The following S100A13 variants were observed in gnomAD, a reference collection of about 807,000 sequenced individuals.
S100A13 encodes protein S100-A13.
A neutral mutation model predicts 8.2 loss-of-function variants in S100A13; 6 were observed. The ratio of observed to expected loss-of-function variants is 0.73; its 90% CI spans 0.40 to 1.44. The LOEUF is 1.44. Ranked by LOEUF, S100A13 falls within the 40% of genes most tolerant of loss-of-function variation. The pLI, the probability that S100A13 is intolerant of heterozygous loss-of-function variation, is 0.02. For synonymous variants in S100A13, 39 were observed against 45.9 expected (o/e 0.85, Z 0.61); for missense variants, 114 against 113.6 (o/e 1.00, Z -0.02).
Position 153,619,039 on chromosome 1 carries a change from C to T in S100A13, c.154-1G>A. The T allele has an allele frequency of 1.2e-6, 2 of 1,613,298 alleles. No individual in the cohort carries two copies. Among genetic ancestry groups the T allele is most frequent in the Non-Finnish European group, 1.7e-6 (2 of 1,179,606 alleles). On this transcript the variant is annotated splice_acceptor_variant, in intron 2 of 2. Transcript: ENST00000476133. LOFTEE classifies it high-confidence loss of function. ...TCTTCTCATCAAGAGAGCCCACATC[C>T]TGAGGAGACACCAAAGGGAAGGGTA...
chr1:153,626,460 G>C lies in S100A13; in HGVS notation c.13C>G (p.Pro5Ala). 3 of 1,614,204 alleles carry C rather than the reference G, an allele frequency of 1.9e-6. No individual in the cohort carries two copies. The highest frequency in any genetic ancestry group is 2.5e-6 in the Non-Finnish European group (3 of 1,180,030). Reference sequence around the variant, plus strand: ...ATGGACTCCTCTAGCTCTGTCAGTGGTTCTGCTGCCATTAGGACCCTGAGG... The same window carrying C: ...ATGGACTCCTCTAGCTCTGTCAGTGCTTCTGCTGCCATTAGGACCCTGAGG... MAAEPLTELEESIET... is the reference protein window; with the variant it reads MAAEALTELEESIET... Residue 5 changes from proline to alanine, a missense_variant, in exon 2 of 3, where the codon CCA becomes GCA. Physicochemically the swap from Pro to Ala is conservative, Grantham distance 27 (BLOSUM62 -1). Transcript: ENST00000476133.
intron 2 of S100A13, among the ~76,000 whole-genome samples, chr1:153,621,681 CAA>C (rs538835772): frequency 7.0e-6 from 1 of 142,330 alleles, no homozygotes. Flanking sequence ...TGCTGCTGCT[CAA>C]AAAAAAAAAG....
At chr1:153,631,953 C>T, upstream of S100A13, 1 of 1,153,898 alleles carries the variant, frequency 8.7e-7, no homozygotes, top group South Asian at 1.6e-5. Flanking sequence ...CCCTTGCCCA[C>T]CCCACCCCCA....
At chr1:153,634,294 C>T (rs1471478548), upstream of S100A13, 1 of 152,922 alleles carries the variant, frequency 6.5e-6, no homozygotes, top group East Asian at 1.9e-4. Flanking sequence ...GCCCGCCTGC[C>T]GGAGCCGTGG....
upstream of S100A13, among the ~76,000 whole-genome samples, chr1:153,632,667 G>A (rs182479505): frequency 6.6e-5 from 10 of 152,092 alleles, no homozygotes; most frequent in African/African-American, 2.4e-4. Context: ...AAATAACCAC[G>A]ATCCTTACCC....
At chr1:153,625,366 A>C (rs1208963209) in intron 2 of S100A13, among the ~76,000 whole-genome samples, 2 of 152,208 alleles carry the variant, frequency 1.3e-5, no homozygotes, top group Non-Finnish European at 2.9e-5. Context: ...AAAGGATGTA[A>C]AACAAACTGT....
At chr1:153,628,508 G>A, upstream of S100A13, 1 of 1,550,648 alleles carries the variant, frequency 6.4e-7, no homozygotes, top group South Asian at 1.2e-5. Context: ...TGAGTACCCT[G>A]CCCCACTGGG....
Position 153,618,950 on chromosome 1 carries a change from C to T in S100A13, c.242G>A (p.Gly81Glu). The change falls in exon 3 of 3, where the codon GGG becomes GAG. Residue 81 changes from glycine (G) to glutamate (E), a missense_variant. By Grantham distance (98) the Gly-to-Glu change is moderately conservative (BLOSUM62 -2). Transcript: ENST00000476133. ...CTTCCTGATTTCCTTGGCCAGCTCC[C>T]CAATCAATCTCCAGTACTCATTGAA... ...LKFNEYWRLI[G>E]ELAKEIRKKK... The T allele has an allele frequency of 6.2e-7, 1 of 1,614,030 alleles. No individual in the cohort carries two copies. The highest frequency in any genetic ancestry group is 8.5e-7 in the Non-Finnish European group (1 of 1,179,950).
chr1:153,627,680 C>T (rs899332480), upstream of S100A13: 2 of 170,720 alleles, frequency 1.2e-5, no homozygotes, highest in Admixed American at 5.7e-5. Flanking sequence ...GCCACACGAG[C>T]GCCCCCACTT....
At chr1:153,628,536 A>G, upstream of S100A13, 1 of 1,549,096 alleles carries the variant, frequency 6.5e-7, no homozygotes, top group Non-Finnish European at 8.7e-7. Context: ...CTGGCCTGCC[A>G]GCTTCAGGGA....
upstream of S100A13, chr1:153,628,036 C>T (rs1489898617): frequency 1.3e-6 from 2 of 1,550,150 alleles, no homozygotes; most frequent in Non-Finnish European, 1.7e-6. Context: ...ACTCCCAAGA[C>T]TAAGTTTCTC....
chr1:153,627,717 G>A (rs1667753227), upstream of S100A13: 1 of 228,656 alleles, frequency 4.4e-6, no homozygotes. Flanking sequence ...TGCCTGGACA[G>A]ATCTCGTTCG....
chr1:153,620,760 C>A (rs1209969529), intron 2 of S100A13, among the ~76,000 whole-genome samples: 3 of 151,998 alleles, frequency 2.0e-5, no homozygotes, highest in Non-Finnish European at 4.4e-5. Flanking sequence ...CAAGTACTAT[C>A]TGATTTTATA....
intron 2 of S100A13, among the ~76,000 whole-genome samples, chr1:153,624,841 G>A (rs529215052): frequency 2.2e-4 from 34 of 152,224 alleles, no homozygotes; most frequent in Admixed American, 3.9e-4. Flanking sequence ...TTGAGAGGCC[G>A]AGGCAGGTGG....
chr1:153,620,458 A>G (rs1421005916), intron 2 of S100A13, among the ~76,000 whole-genome samples: 2 of 132,938 alleles, frequency 1.5e-5, no homozygotes, highest in Non-Finnish European at 3.1e-5. Flanking sequence ...GAGACTATCT[A>G]AAAAAAAAAA....
At chr1:153,619,086 G>A (rs148738429) in intron 2 of S100A13, 48 bp from the exon 3 acceptor site, 2 of 1,556,686 alleles carry the variant, frequency 1.3e-6, no homozygotes, top group Admixed American at 1.7e-5. Context: ...TGGGGTTCTT[G>A]AGAAAGTAGG....
upstream of S100A13, chr1:153,627,963 G>A (rs2101617631): frequency 1.4e-6 from 2 of 1,448,694 alleles, no homozygotes; most frequent in Non-Finnish European, 9.3e-7. Context: ...ACACACAGAG[G>A]GGGATCCAGG....
chr1:153,628,160 C>G (rs1243322665), upstream of S100A13: 8 of 1,550,458 alleles, frequency 5.2e-6, no homozygotes, highest in Non-Finnish European at 8.7e-7. Context: ...TACTGCAAGG[C>G]CCAGCTTGGG....
At chr1:153,627,672 C>T (rs1667748813), upstream of S100A13, 1 of 171,382 alleles carries the variant, frequency 5.8e-6, no homozygotes, top group African/African-American at 2.4e-5. Context: ...CCCTGCCAGC[C>T]ACACGAGCGC....
Sources: allele counts gnomAD v4.1 joint callset (sites outside exome capture counted in the v4.1 genomes callset), GRCh38; gene constraint gnomAD v4.1.1; transcripts MANE v1.5; gene names NCBI Gene and HGNC (gene_info 2026-07-23, HGNC 2026-07-21).